ARHGEF7: variants seen among roughly 807,000 people sequenced by gnomAD.
ARHGEF7 encodes the protein Rho guanine nucleotide exchange factor 7, also known as PAK-interacting exchange factor beta.
Under a neutral mutation model 109.8 loss-of-function variants are expected in ARHGEF7, and 33 were observed. The ratio of observed to expected loss-of-function variants is 0.30; its 90% CI spans 0.23 to 0.40. The LOEUF (loss-of-function observed/expected upper bound fraction) is 0.40, where lower values mean the gene tolerates loss of function less well. Ranked by LOEUF, ARHGEF7 falls within the 10% of genes least tolerant of loss-of-function variation. The probability of loss-of-function intolerance (pLI) is 1.00; values close to 1 mark genes in which losing one functional copy is unlikely to be tolerated. For synonymous variants in ARHGEF7, 458 were observed against 424.6 expected, an observed-to-expected ratio of 1.08 and a Z score of -0.97; for missense variants, 938 against 1,098.5, an observed-to-expected ratio of 0.85 and a Z score of 2.07.
intron 19 of ARHGEF7, among the ~76,000 whole-genome samples, chr13:111,299,337 A>ATTTTTTTTTTTTTTTTTTTTTTTTTTTT (rs936360326): frequency 9.4e-6 from 1 of 106,108 alleles, no homozygotes; most frequent in Non-Finnish European, 1.8e-5. Flanking sequence ...GAAGCCATTC[A>ATTTTTTTTTTTTTTTTTTTTTTTTTTTT]TTTTTTTTTT....
intron 3 of ARHGEF7, 39 bp downstream of exon 3, chr13:111,205,412 A>G (rs769650550): frequency 7.0e-7 from 1 of 1,433,548 alleles, no homozygotes; most frequent in Admixed American, 2.4e-5. Context: ...GGGTGGGAAG[A>G]CATACGGGCT....
intron 3 of ARHGEF7, among the ~76,000 whole-genome samples, chr13:111,208,102 A>G (rs2082097594): frequency 6.6e-6 from 1 of 152,156 alleles, no homozygotes; most frequent in Non-Finnish European, 1.5e-5. Context: ...GTGCAATGGC[A>G]TGATCTTGGC....
intron 4 of ARHGEF7, among the ~76,000 whole-genome samples, chr13:111,215,245 A>G (rs2082976907): frequency 6.6e-6 from 1 of 151,612 alleles, no homozygotes; most frequent in Non-Finnish European, 1.5e-5. Context: ...TCTAATGCGG[A>G]TAGTTGTTAA....
chr13:111,221,425 CTATATATAGATA>C (rs1173316830), intron 5 of ARHGEF7, among the ~76,000 whole-genome samples: 3,346 of 6,432 alleles, frequency 0.52, 1,533 homozygotes, highest in East Asian at 0.88. Context: ...GTCTATATAT[CTATATATAGATA>C]TATATATCTA....
In ARHGEF7 at chr13:111,221,518, T is replaced by C. The variant is rs143152462; in HGVS notation, c.670+3638T>C. 3.7e-3 allele frequency among the ~76,000 whole-genome samples: 205 copies of C among 56,018 alleles called. 3 individuals are homozygous for C. Among genetic ancestry groups the C allele is most frequent in the South Asian group, 9.9e-3 (17 of 1,712 alleles). The allele number at this position is 56,018 out of a possible 152,430, so 36.7% of individuals were successfully genotyped here. A position where few individuals can be genotyped will look rare whatever the true frequency, so the allele number is the denominator to read the frequency against. On this transcript the variant is annotated intron_variant, in intron 5 of 21. Transcript: ENST00000646102. ...ATATATATATCTATATATATAGATA[T>C]ATATCTATATATATCTATATATAGA...
At chr13:111,302,232 G>A (rs942479160) in intron 21 of ARHGEF7, among the ~76,000 whole-genome samples, 1 of 152,206 alleles carries the variant, frequency 6.6e-6, no homozygotes, top group African/African-American at 2.4e-5. Flanking sequence ...GTGAGTATGA[G>A]CAGCTTTGGT....
At chr13:111,262,665 G>A (rs975030704) in intron 8 of ARHGEF7, among the ~76,000 whole-genome samples, 1 of 152,254 alleles carries the variant, frequency 6.6e-6, no homozygotes, top group Non-Finnish European at 1.5e-5. Context: ...AACATGTTAC[G>A]GGGGAAACTG....
intron 13 of ARHGEF7, among the ~76,000 whole-genome samples, chr13:111,279,455 C>T (rs1279267878): frequency 6.6e-6 from 1 of 152,172 alleles, no homozygotes; most frequent in Non-Finnish European, 1.5e-5. Flanking sequence ...GGCACGTTCC[C>T]CACACCAGTT....
intron 2 of ARHGEF7, among the ~76,000 whole-genome samples, chr13:111,178,868 G>A (rs540393625): frequency 3.9e-5 from 6 of 152,328 alleles, no homozygotes; most frequent in Non-Finnish European, 7.3e-5. Flanking sequence ...TTATTTGCAC[G>A]AAAGCCCCAC....
intron 2 of ARHGEF7, among the ~76,000 whole-genome samples, chr13:111,186,206 G>A (rs1229452368): frequency 6.6e-6 from 1 of 152,102 alleles, no homozygotes; most frequent in East Asian, 1.9e-4. Flanking sequence ...GAAGAGCCCT[G>A]CCTGCCTTCC....
chr13:111,212,644 G>A lies in ARHGEF7; in HGVS notation c.468+2642G>A, dbSNP rs564152979. On this transcript the variant is annotated intron_variant, in intron 4 of 21. Transcript: ENST00000646102. Reference sequence around the variant, plus strand: ...GCTTCTGGAAACCAGGGACCTGTACGTCTGGCACAGTCCTGATGCTGGCAG... The same window carrying A: ...GCTTCTGGAAACCAGGGACCTGTACATCTGGCACAGTCCTGATGCTGGCAG... Among the ~76,000 whole-genome samples, 5 of 152,282 alleles carry A rather than the reference G, an allele frequency of 3.3e-5. No individual in the cohort carries two copies. In the South Asian group the frequency reaches 1.0e-3, roughly 32 times the overall value.
intron 2 of ARHGEF7, among the ~76,000 whole-genome samples, chr13:111,161,104 GA>G (rs2076707968): frequency 6.8e-6 from 1 of 146,636 alleles, no homozygotes; most frequent in Non-Finnish European, 1.5e-5. Flanking sequence ...TAACTATAAT[GA>G]AAATATCCCT....
chr13:111,202,877 CCT>C (rs1231861058), intron 2 of ARHGEF7, among the ~76,000 whole-genome samples: 1 of 152,188 alleles, frequency 6.6e-6, no homozygotes, highest in East Asian at 1.9e-4. Flanking sequence ...GCATTTTCCC[CCT>C]CTCAGGGGTA....
At chr13:111,188,534 G>A (rs1051724892) in intron 2 of ARHGEF7, among the ~76,000 whole-genome samples, 2 of 152,200 alleles carry the variant, frequency 1.3e-5, no homozygotes, top group Non-Finnish European at 2.9e-5. Flanking sequence ...ATCAGCAGCC[G>A]AGAGGCTTCT....
In ARHGEF7 at chr13:111,228,910, C is replaced by T. The variant is rs574473905; in HGVS notation, c.671-4295C>T. Among the ~76,000 whole-genome samples, 5 of 152,118 alleles carry T rather than the reference C, an allele frequency of 3.3e-5. No homozygotes were observed. Among genetic ancestry groups the T allele is most frequent in the Admixed American group, 6.5e-5 (1 of 15,282 alleles). ...TCTGGACTTTGCTGGGTTGGTGACA[C>T]GTCACAAATGAAAGCGTAACCACTG... On this transcript the variant is annotated intron_variant, in intron 5 of 21. Coordinates refer to ENST00000646102, the MANE Select transcript of ARHGEF7 (RefSeq NM_001354046.2). The surrounding 1 kb of genome is among the most constrained non-coding windows in gnomAD (Gnocchi z 4.6).
chr13:111,152,250 A>G (rs1014151035), intron 1 of ARHGEF7, among the ~76,000 whole-genome samples: 1 of 152,220 alleles, frequency 6.6e-6, no homozygotes, highest in African/African-American at 2.4e-5. Context: ...TTACACTTAG[A>G]TTCTATTGGA....
At chr13:111,199,188 TG>T (rs2080922512) in intron 2 of ARHGEF7, among the ~76,000 whole-genome samples, 1 of 152,160 alleles carries the variant, frequency 6.6e-6, no homozygotes, top group Non-Finnish European at 1.5e-5. Flanking sequence ...ATCACTGGGC[TG>T]GATGTAGACT....
At chr13:111,161,317 C>T (rs368567245) in intron 2 of ARHGEF7, among the ~76,000 whole-genome samples, 20 of 152,052 alleles carry the variant, frequency 1.3e-4, no homozygotes, top group Admixed American at 5.9e-4. Context: ...CTGGTAGCTG[C>T]CCATGATTAT....
chr13:111,287,711 C>A (rs1567093268), intron 17 of ARHGEF7, among the ~76,000 whole-genome samples: 1 of 152,202 alleles, frequency 6.6e-6, no homozygotes, highest in African/African-American at 2.4e-5. Flanking sequence ...AGACCCTGAG[C>A]AGGAACCCCA....
Sources: allele counts gnomAD v4.1 joint callset (sites outside exome capture counted in the v4.1 genomes callset), GRCh38; gene constraint gnomAD v4.1.1; non-coding constraint Gnocchi (gnomAD v3.1); transcripts MANE v1.5; gene names NCBI Gene and HGNC (gene_info 2026-07-23, HGNC 2026-07-21).